SLC27A1: variants seen among roughly 807,000 people sequenced by gnomAD.
SLC27A1 encodes solute carrier family 27 member 1.
Under a neutral mutation model 62.2 loss-of-function variants are expected in SLC27A1, and 61 were observed. The ratio of observed to expected loss-of-function variants is 0.98; its 90% CI spans 0.80 to 1.21. The LOEUF (loss-of-function observed/expected upper bound fraction) is 1.21, where lower values mean the gene tolerates loss of function less well. Among genes scored for constraint, SLC27A1 ranks in the 50% most tolerant of loss-of-function variants. SLC27A1 has a pLI of 0.00. For synonymous variants in SLC27A1, 435 were observed against 408.6 expected (o/e 1.06, Z -0.78); for missense variants, 903 against 932.1 (o/e 0.97, Z 0.41).
chr19:17,492,494 T>G (rs928720833), intron 6 of SLC27A1: 17 of 151,472 alleles, frequency 1.1e-4, no homozygotes, highest in African/African-American at 4.1e-4. Context: ...TGGGCGCCTA[T>G]AGTCCCAGTT....
intron 11 of SLC27A1, among the ~76,000 whole-genome samples, chr19:17,504,084 G>C (rs548261769): frequency 3.3e-5 from 5 of 151,986 alleles, no homozygotes; most frequent in African/African-American, 1.2e-4. Context: ...TATTGTGCCC[G>C]GCCCCAGTAA....
At chr19:17,481,099 A>C (rs1052487942) in intron 1 of SLC27A1, among the ~76,000 whole-genome samples, 2 of 150,212 alleles carry the variant, frequency 1.3e-5, no homozygotes, top group Non-Finnish European at 3.0e-5. Flanking sequence ...CCAATTTTGT[A>C]ATTTTAGTTG....
rs1324320652 is a variant in SLC27A1, at chr19:17,504,946, G to A, written c.*334G>A. 2.2e-6 allele frequency: 1 copy of A among 453,492 alleles called. No homozygotes were observed. Among genetic ancestry groups the A allele is most frequent in the Non-Finnish European group, 4.3e-6 (1 of 230,330 alleles). The allele number at this position is 453,492 out of a possible 1,614,324, so 28.1% of individuals were successfully genotyped here. A position where few individuals can be genotyped will look rare whatever the true frequency, so the allele number is the denominator to read the frequency against. ...CTCACTCTGCTGCCCGGGCTAGAGTGCAGTGGTGGGATCTCGGCTCACTGC... is the reference window on the plus strand; with the variant it reads ...CTCACTCTGCTGCCCGGGCTAGAGTACAGTGGTGGGATCTCGGCTCACTGC... On this transcript the variant is annotated 3_prime_UTR_variant, in exon 12 of 12. Coordinates refer to ENST00000252595, the MANE Select transcript of SLC27A1 (RefSeq NM_198580.3).
In SLC27A1 at chr19:17,504,520, C is replaced by T. The variant is rs751969097; in HGVS notation, c.1849C>T (p.Arg617Trp). ...EGFDPRQTSDRLFFLDLKQGH... is the reference protein window; with the variant it reads ...EGFDPRQTSDWLFFLDLKQGH... ...CTTTGACCCACGCCAGACCTCAGACCGGCTCTTCTTCCTGGACCTGAAGCA... is the reference window on the plus strand; with the variant it reads ...CTTTGACCCACGCCAGACCTCAGACTGGCTCTTCTTCCTGGACCTGAAGCA... Residue 617 changes from arginine to tryptophan, a missense_variant, in exon 12 of 12, where the codon CGG becomes TGG. Coordinates refer to ENST00000252595, the MANE Select transcript of SLC27A1 (RefSeq NM_198580.3). 4.3e-6 allele frequency: 7 copies of T among 1,614,046 alleles called. No individual in the cohort carries two copies. The highest frequency in any genetic ancestry group is 2.2e-5 in the East Asian group (1 of 44,886).
chr19:17,474,035 T>G (rs900178725), intron 1 of SLC27A1, among the ~76,000 whole-genome samples: 22 of 151,952 alleles, frequency 1.4e-4, no homozygotes, highest in Non-Finnish European at 2.1e-4. Context: ...CTCAACTTCC[T>G]GGGCTCAAAT....
rs571285076 is a variant in SLC27A1 at position 17,490,201 on chromosome 19, G to A, written c.996+1084G>A. 6 of 152,216 alleles carry A rather than the reference G, an allele frequency of 3.9e-5. No individual in the cohort carries two copies. In the East Asian group the frequency reaches 1.2e-3, roughly 29 times the overall value. The allele number at this position is 152,216 out of a possible 1,614,324, so 9.4% of individuals were successfully genotyped here. A position where few individuals can be genotyped will look rare whatever the true frequency, so the allele number is the denominator to read the frequency against. ...GGATCTCACTCTGTTGCCCAGACTG[G>A]AGTGCAGTGGCGCTATCATGGCTCA... is the stretch of plus-strand genomic sequence containing the variant. On this transcript the variant is annotated intron_variant, in intron 6 of 11. Coordinates refer to ENST00000252595, the MANE Select transcript of SLC27A1 (RefSeq NM_198580.3).
intron 1 of SLC27A1, among the ~76,000 whole-genome samples, chr19:17,482,572 AC>A (rs1897208473): frequency 6.6e-6 from 1 of 150,742 alleles, no homozygotes; most frequent in Non-Finnish European, 1.5e-5. Context: ...AATTGCTGGA[AC>A]CCAGGAGGCA....
At chr19:17,495,509 C>G (rs529038064) in intron 6 of SLC27A1, 1 of 149,016 alleles carries the variant, frequency 6.7e-6, no homozygotes, top group South Asian at 2.2e-4. Context: ...GTCTCGATCT[C>G]CTGACCTCGT....
intron 11 of SLC27A1, among the ~76,000 whole-genome samples, chr19:17,501,692 A>G (rs1156406375): frequency 6.6e-6 from 1 of 151,276 alleles, no homozygotes; most frequent in Non-Finnish European, 1.5e-5. Flanking sequence ...AGTCCCAGCT[A>G]CTTGGGAGGC....
rs752128603 is a variant in SLC27A1, at chr19:17,500,326, A to AT, written c.1256dup (p.Arg420ProfsTer7). 1.1e-5 allele frequency: 17 copies of AT among 1,614,070 alleles called. No individual in the cohort carries two copies. On this transcript the variant is annotated frameshift_variant, in exon 8 of 12. Coordinates refer to ENST00000252595, the MANE Select transcript of SLC27A1 (RefSeq NM_198580.3). LOFTEE classifies it high-confidence loss of function. The stretch of plus-strand genomic sequence containing the variant: ...CCGCATCCTGCCCCACGTGTACCCC[A>AT]TCCGGCTGGTGAAGGTCAATGAGGA...
chr19:17,485,478 A>G (rs2075220350), intron 1 of SLC27A1, among the ~76,000 whole-genome samples: 1 of 149,602 alleles, frequency 6.7e-6, no homozygotes, highest in Non-Finnish European at 1.5e-5. Context: ...GTGAGCCACC[A>G]CGCCTGGCCT....
Position 17,470,582 on chromosome 19 carries a change from G to T in SLC27A1, c.42G>T (p.Leu14=). 1 of 1,573,584 alleles carries T rather than the reference G, an allele frequency of 6.4e-7. No homozygotes were observed. The highest frequency in any genetic ancestry group is 1.4e-5 in the African/African-American group (1 of 73,818). The change falls in exon 1 of 12, where the codon CTG becomes CTT. Residue 14 remains leucine (L), a synonymous_variant. Transcript: ENST00000252595. The part of the protein sequence containing the change: ...PGAGAASVVS[L]ALLWLLGLPW... ...CGGGCGCGGCCTCGGTGGTCTCGCTGGCGCTGTTGTGGCTGCTGGGGCTGC... is the reference window on the plus strand; with the variant it reads ...CGGGCGCGGCCTCGGTGGTCTCGCTTGCGCTGTTGTGGCTGCTGGGGCTGC...
At chr19:17,503,823 T>G (rs554393975) in intron 11 of SLC27A1, among the ~76,000 whole-genome samples, 1 of 149,006 alleles carries the variant, frequency 6.7e-6, no homozygotes, top group South Asian at 2.1e-4. Flanking sequence ...TCCCAGCTAC[T>G]TGGGAGGCTG....
intron 4 of SLC27A1, among the ~76,000 whole-genome samples, chr19:17,487,957 C>T (rs1383344611): frequency 6.6e-6 from 1 of 152,134 alleles, no homozygotes; most frequent in Non-Finnish European, 1.5e-5. Context: ...CTCTCTCCTC[C>T]ACCCACGATG....
chr19:17,504,401 G>C, intron 11 of SLC27A1, 54 bp from the exon 12 acceptor site: 1 of 1,606,248 alleles, frequency 6.2e-7, no homozygotes, highest in Admixed American at 1.7e-5. Flanking sequence ...ATTGAGTTGA[G>C]GCCTCCCAGA....
Position 17,500,855 on chromosome 19 carries a change from G to C in SLC27A1, c.1615G>C (p.Val539Leu). The change falls in exon 10 of 12, where the codon GTC becomes CTC. Residue 539 changes from valine to leucine, a missense_variant. Physicochemically the swap from Val to Leu is conservative, Grantham distance 32 (BLOSUM62 1). Coordinates refer to ENST00000252595, the MANE Select transcript of SLC27A1 (RefSeq NM_198580.3). ...SRLLGQTDVAVYGVAVPGVEG... is the reference protein window; with the variant it reads ...SRLLGQTDVALYGVAVPGVEG... ...CCTGCTGGGCCAGACAGACGTGGCC[G>C]TCTATGGGGTGGCTGTTCCAGGCAA... 6.2e-7 allele frequency: 1 copy of C among 1,609,060 alleles called. No homozygotes were observed. Among genetic ancestry groups the C allele is most frequent in the South Asian group, 1.1e-5 (1 of 90,742 alleles).
rs528615506 is a variant in SLC27A1 at position 17,473,588 on chromosome 19, G to A, written c.167+2881G>A. Among the ~76,000 whole-genome samples the A allele has an allele frequency of 4.6e-5, 7 of 152,270 alleles. No homozygotes were observed. In the South Asian group the frequency reaches 6.2e-4, roughly 14 times the overall value. ...TAATAAAAAATTAACTCGGCTGGGCGCGGTGGCTCACACCTGTAATCCCAG... is the reference window on the plus strand; with the variant it reads ...TAATAAAAAATTAACTCGGCTGGGCACGGTGGCTCACACCTGTAATCCCAG... On this transcript the variant is annotated intron_variant, in intron 1 of 11. Coordinates refer to ENST00000252595, the MANE Select transcript of SLC27A1 (RefSeq NM_198580.3).
chr19:17,480,474 GATCCTCCTGTCTC>G (rs1295110754), intron 1 of SLC27A1, among the ~76,000 whole-genome samples: 1 of 149,710 alleles, frequency 6.7e-6, no homozygotes, highest in African/African-American at 2.5e-5. Flanking sequence ...AGGCCCAAGC[GATCCTCCTGTCTC>G]ATCCTCCTGA....
Position 17,500,326 on chromosome 19 carries a change from A to G in SLC27A1, c.1255A>G (p.Ile419Val), listed in dbSNP as rs1568424145. Residue 419 changes from isoleucine to valine, a missense_variant, in exon 8 of 12, where the codon ATC becomes GTC. Coordinates refer to ENST00000252595, the MANE Select transcript of SLC27A1 (RefSeq NM_198580.3). ...CCGCATCCTGCCCCACGTGTACCCC[A>G]TCCGGCTGGTGAAGGTCAATGAGGA... ...NSRILPHVYP[I>V]RLVKVNEDTM... The G allele has an allele frequency of 2.5e-6, 4 of 1,614,188 alleles. No homozygotes were observed. The South Asian group carries it at 4.4e-5, about 18-fold the overall frequency.
Sources: gnomAD v4.1 joint callset for allele counts (sites outside exome capture counted in the v4.1 genomes callset) on GRCh38, gnomAD v4.1.1 for gene constraint, MANE v1.5 for transcripts, NCBI Gene and HGNC (gene_info 2026-07-23, HGNC 2026-07-21) for gene names.